Variants in PLCE1 observed in about 807,000 individuals in gnomAD.
PLCE1 encodes the protein phospholipase C epsilon 1, also known as 1-phosphatidylinositol 4,5-bisphosphate phosphodiesterase epsilon-1.
Under a neutral mutation model 242.8 loss-of-function variants are expected in PLCE1, and 119 were observed. The observed-to-expected ratio is 0.49, with a 90% CI of 0.42 to 0.57. The LOEUF (loss-of-function observed/expected upper bound fraction) is 0.57, where lower values mean the gene tolerates loss of function less well. PLCE1 is among the 20% of genes least tolerant of loss of function. The pLI is 0.00. For synonymous variants in PLCE1, 945 were observed against 1,017.4 expected, an observed-to-expected ratio of 0.93 and a Z score of 1.35; for missense variants, 2,441 against 2,788.8, an observed-to-expected ratio of 0.88 and a Z score of 2.81.
intron 2 of PLCE1, among the ~76,000 whole-genome samples, chr10:94,042,377 T>G (rs1364036243): frequency 6.6e-6 from 1 of 152,194 alleles, no homozygotes; most frequent in Non-Finnish European, 1.5e-5. Context: ...TCATGGCGAC[T>G]GTCTATGAGG....
rs550417576 is a variant in PLCE1, at chr10:94,298,779, G to A, written c.5458+110G>A. On this transcript the variant is annotated intron_variant, in intron 24 of 32. Transcript: ENST00000371380. The surrounding 1 kb of genome is among the most constrained non-coding windows in gnomAD (Gnocchi z 5.2). Reference sequence around the variant, plus strand: ...GATTCCAGACTGGGGCACACCATATGTGAGAGTAAAAATATGATGATGGAA... The same window carrying A: ...GATTCCAGACTGGGGCACACCATATATGAGAGTAAAAATATGATGATGGAA... The A allele has an allele frequency of 1.9e-6, 2 of 1,068,892 alleles. No individual in the cohort carries two copies. The highest frequency in any genetic ancestry group is 1.7e-5 in the Admixed American group (1 of 58,496). 66.2% of individuals were successfully genotyped at this position (1,068,892 alleles called of 1,614,324 possible). A position where few individuals can be genotyped will look rare whatever the true frequency, so the allele number is the denominator to read the frequency against.
chr10:94,263,764 A>C (rs997202621), intron 14 of PLCE1, among the ~76,000 whole-genome samples: 1 of 152,084 alleles, frequency 6.6e-6, no homozygotes, highest in Non-Finnish European at 1.5e-5. Flanking sequence ...ATTACATAAT[A>C]TGTTTTTCTT....
intron 2 of PLCE1, among the ~76,000 whole-genome samples, chr10:94,065,064 G>T (rs537653048): frequency 6.6e-6 from 1 of 152,226 alleles, no homozygotes; most frequent in South Asian, 2.1e-4. Flanking sequence ...TCCTCTGTTA[G>T]CTTGTGTCTG....
rs572327923 is a variant in PLCE1, at chr10:94,104,456, C to T, written c.1207-27718C>T. 169 of 152,230 alleles carry T rather than the reference C, an allele frequency of 1.1e-3. 1 individual carries two copies. Among genetic ancestry groups the T allele is most frequent in the African/African-American group, 4.0e-3 (167 of 41,530 alleles). 9.4% of individuals were successfully genotyped at this position (152,230 alleles called of 1,614,324 possible). ...AGCCTGAAGTTCATGTATCCCATGA[C>T]CCTGGGGAGAAAAAGAAACCTAACT... On this transcript the variant is annotated intron_variant, in intron 2 of 32. Coordinates refer to ENST00000371380, the MANE Select transcript of PLCE1 (RefSeq NM_016341.4).
chr10:94,283,684 C>A, intron 20 of PLCE1, 106 bp from the exon 21 acceptor site: 1 of 1,218,808 alleles, frequency 8.2e-7, no homozygotes, highest in Non-Finnish European at 1.2e-6. Flanking sequence ...GAGCCTCATT[C>A]TTATAGATAA....
At chr10:94,053,067 A>G (rs1174440554) in intron 2 of PLCE1, among the ~76,000 whole-genome samples, 3 of 152,188 alleles carry the variant, frequency 2.0e-5, no homozygotes, top group Admixed American at 6.5e-5. Flanking sequence ...AATGCCCTTC[A>G]TTTCTTTGAG....
intron 25 of PLCE1, among the ~76,000 whole-genome samples, chr10:94,305,379 G>A (rs1042442287): frequency 5.9e-5 from 9 of 152,340 alleles, no homozygotes; most frequent in Non-Finnish European, 8.8e-5. Flanking sequence ...AGGTTGCAGT[G>A]AGCCAAGATT....
In PLCE1 at chr10:94,328,778, G is replaced by A. The variant is rs533359903; in HGVS notation, c.*835G>A. 6 of 151,812 alleles carry A rather than the reference G, an allele frequency of 4.0e-5. No homozygotes were observed. In the East Asian group the frequency reaches 1.2e-3, roughly 29 times the overall value. The allele number at this position is 151,812 out of a possible 1,614,324, so 9.4% of individuals were successfully genotyped here. ...TTTTTACATATAGAAATAATATTGG[G>A]TTTTTTTTAAGGTTATTGCCTATTC... On this transcript the variant is annotated 3_prime_UTR_variant, in exon 33 of 33. Coordinates refer to ENST00000371380, the MANE Select transcript of PLCE1 (RefSeq NM_016341.4).
At chr10:94,222,258 A>G (rs3980310) in intron 4 of PLCE1, among the ~76,000 whole-genome samples, 98,623 of 152,092 alleles carry the variant, frequency 0.65, 32,437 homozygotes, top group East Asian at 0.93. Flanking sequence ...ACATTAAGTC[A>G]AAGAGAAGTA....
At chr10:94,214,510 C>T (rs1184567902) in intron 4 of PLCE1, among the ~76,000 whole-genome samples, 1 of 152,092 alleles carries the variant, frequency 6.6e-6, no homozygotes, top group African/African-American at 2.4e-5. Context: ...TTCTATCTAC[C>T]AGTGTCCAGT....
At chr10:94,309,451 C>T (rs7096678) in intron 27 of PLCE1, among the ~76,000 whole-genome samples, 36,118 of 152,052 alleles carry the variant, frequency 0.24, 4,556 homozygotes, top group Middle Eastern at 0.42. Context: ...CCACCTCAGC[C>T]TCCTGAGTAG....
chr10:94,298,285 T>C lies in PLCE1; in HGVS notation c.5168-94T>C, dbSNP rs1021247264. On this transcript the variant is annotated intron_variant, in intron 23 of 32. Transcript: ENST00000371380. The surrounding 1 kb of genome is among the most constrained non-coding windows in gnomAD (Gnocchi z 5.2). ...AGGTATTCTGATGTGGTTTATATGCTATGACTGTTTACTGGGATGTTGTTC... is the reference window on the plus strand; with the variant it reads ...AGGTATTCTGATGTGGTTTATATGCCATGACTGTTTACTGGGATGTTGTTC... 7.9e-6 allele frequency: 9 copies of C among 1,136,848 alleles called. No homozygotes were observed. Among genetic ancestry groups the C allele is most frequent in the Non-Finnish European group, 1.2e-5 (9 of 754,602 alleles). The allele number at this position is 1,136,848 out of a possible 1,614,324, so 70.4% of individuals were successfully genotyped here.
At chr10:94,016,035 C>A (rs35939506) in intron 1 of PLCE1, among the ~76,000 whole-genome samples, 1 of 152,022 alleles carries the variant, frequency 6.6e-6, no homozygotes, top group Non-Finnish European at 1.5e-5. Flanking sequence ...ATCTGGAAGC[C>A]GCTATATGTC....
At chr10:94,206,803 A>G (rs1383709749) in intron 4 of PLCE1, among the ~76,000 whole-genome samples, 1 of 152,026 alleles carries the variant, frequency 6.6e-6, no homozygotes, top group African/African-American at 2.4e-5. Context: ...TTCCAGACCA[A>G]CTCTTAATCA....
At chr10:94,313,208 A>G in intron 27 of PLCE1, 46 bp from the exon 28 acceptor site, 1 of 1,610,132 alleles carries the variant, frequency 6.2e-7, no homozygotes, top group South Asian at 1.1e-5. Context: ...GAGCTTAGAA[A>G]TATGTGATTA....
At chr10:94,234,439 T>G (rs538854691) in intron 6 of PLCE1, 127 bp downstream of exon 6, 181 of 1,035,618 alleles carry the variant, frequency 1.7e-4, no homozygotes, top group South Asian at 9.9e-4. Context: ...TTATATTATT[T>G]CTGGGTAGCA....
chr10:94,140,735 A>G (rs978507092), intron 3 of PLCE1, among the ~76,000 whole-genome samples: 2 of 152,242 alleles, frequency 1.3e-5, no homozygotes, highest in African/African-American at 4.8e-5. Context: ...CAAAATCAAA[A>G]CGATTACCCT....
rs766010887 is a variant in PLCE1 at position 94,331,171 on chromosome 10, A to G, written c.*3228A>G. The G allele has an allele frequency of 6.6e-6, 1 of 152,232 alleles. No individual in the cohort carries two copies. The highest frequency in any genetic ancestry group is 1.5e-5 in the Non-Finnish European group (1 of 68,042). The allele number at this position is 152,232 out of a possible 1,614,324, so 9.4% of individuals were successfully genotyped here. On this transcript the variant is annotated 3_prime_UTR_variant, in exon 33 of 33. Coordinates refer to ENST00000371380, the MANE Select transcript of PLCE1 (RefSeq NM_016341.4). ...GTCAATATGAAGTCTAGACTCAACAAAAGTTGAGTTACAAGTGACTTGTTT... is the reference window on the plus strand; with the variant it reads ...GTCAATATGAAGTCTAGACTCAACAGAAGTTGAGTTACAAGTGACTTGTTT...
chr10:94,293,894 G>A (rs1405018974), intron 23 of PLCE1, among the ~76,000 whole-genome samples: 1 of 152,134 alleles, frequency 6.6e-6, no homozygotes, highest in Non-Finnish European at 1.5e-5. Context: ...ATCACTTGAG[G>A]TCAGGAGTTC....
Sources: allele counts gnomAD v4.1 joint callset (sites outside exome capture counted in the v4.1 genomes callset), GRCh38; gene constraint gnomAD v4.1.1; non-coding constraint Gnocchi (gnomAD v3.1); transcripts MANE v1.5; gene names NCBI Gene and HGNC (gene_info 2026-07-23, HGNC 2026-07-21).